ZNF292: variants seen among roughly 807,000 people sequenced by gnomAD.
The protein encoded by ZNF292 is zinc finger protein 292.
In ZNF292, 26 loss-of-function variants were observed where a neutral mutation model predicts 217.9. That is an observed-to-expected ratio of 0.12 (90% confidence interval 0.09 to 0.17). ZNF292 has a LOEUF of 0.17. Ranked by LOEUF, ZNF292 falls within the 10% of genes least tolerant of loss-of-function variation. ZNF292 has a pLI of 1.00. For synonymous variants in ZNF292, 1,257 were observed against 1,124.1 expected, an observed-to-expected ratio of 1.12 and a Z score of -2.37; for missense variants, 2,904 against 3,175.2, an observed-to-expected ratio of 0.91 and a Z score of 2.05.
At chr6:87,219,699 A>T (rs1220113977) in intron 4 of ZNF292, among the ~76,000 whole-genome samples, 1 of 152,168 alleles carries the variant, frequency 6.6e-6, no homozygotes, top group Non-Finnish European at 1.5e-5. Flanking sequence ...CTAGCAGTGT[A>T]CTTGTTTCTT....
At position 87,257,155 on chromosome 6, in the gene ZNF292, G is replaced by A. The variant is rs1775271309; in HGVS notation, c.3526G>A (p.Gly1176Arg). The part of the protein sequence containing the change: ...PFFTSQTKAN[G>R]NPACSAQLQH... ...TTTTACATCACAGACCAAAGCCAAT[G>A]GGAATCCTGCTTGTTCGGCCCAGTT... Residue 1176 changes from glycine (G) to arginine (R), a missense_variant, in exon 8 of 8, where the codon GGG becomes AGG. By Grantham distance (125) the Gly-to-Arg change is moderately radical (BLOSUM62 -2). Coordinates refer to ENST00000369577, the MANE Select transcript of ZNF292 (RefSeq NM_015021.3). 1 of 1,613,724 alleles carries A rather than the reference G, an allele frequency of 6.2e-7. No homozygotes were observed. Among genetic ancestry groups the A allele is most frequent in the African/African-American group, 1.3e-5 (1 of 74,900 alleles).
intron 1 of ZNF292, among the ~76,000 whole-genome samples, chr6:87,189,706 A>G (rs1296005764): frequency 1.3e-5 from 2 of 151,970 alleles, no homozygotes; most frequent in Non-Finnish European, 2.9e-5. Context: ...TATTCTCAAC[A>G]TGACTTAGCA....
In ZNF292 at chr6:87,259,725, C is replaced by G; in HGVS notation, c.6096C>G (p.Thr2032=). The G allele has an allele frequency of 1.2e-6, 2 of 1,603,422 alleles. No homozygotes were observed. Among genetic ancestry groups the G allele is most frequent in the Non-Finnish European group, 1.7e-6 (2 of 1,174,780 alleles). The change falls in exon 8 of 8, where the codon ACC becomes ACG. Residue 2032 remains threonine (T), a synonymous_variant. Transcript: ENST00000369577. The part of the protein sequence containing the change: ...ALELRAETQN[T]HSNVAVIPEK... The stretch of plus-strand genomic sequence containing the variant: ...AATTGAGAGCAGAGACCCAAAATAC[C>G]CACAGTAATGTAGCAGTGATCCCAG...
rs1775123749 is a variant in ZNF292 at position 87,254,844 on chromosome 6, T to C, written c.1215T>C (p.Ala405=). Residue 405 remains alanine, a synonymous_variant, in exon 8 of 8, where the codon GCT becomes GCC. Transcript: ENST00000369577. ...AGCCTACAGTAGATGCGTATTATGC[T>C]GTGGAAATGTTGTATAATCAGCCAG... ...LIEPTVDAYY[A]VEMLYNQPDQ... 1 of 1,613,842 alleles carries C rather than the reference T, an allele frequency of 6.2e-7. No individual in the cohort carries two copies. The highest frequency in any genetic ancestry group is 2.2e-5 in the East Asian group (1 of 44,866).
intron 1 of ZNF292, among the ~76,000 whole-genome samples, chr6:87,200,189 A>C (rs945695648): frequency 6.6e-6 from 1 of 152,248 alleles, no homozygotes; most frequent in Non-Finnish European, 1.5e-5. Context: ...ATGTTGGGCT[A>C]AAGTCTTCAC....
intron 1 of ZNF292, chr6:87,213,757 G>A (rs977578442): frequency 6.6e-6 from 1 of 152,294 alleles, no homozygotes; most frequent in Non-Finnish European, 1.5e-5. Flanking sequence ...AAGAGAACCA[G>A]GAAGCTAAAC....
chr6:87,239,735 G>A lies in ZNF292; in HGVS notation c.742-3740G>A, dbSNP rs1200732652. On this transcript the variant is annotated intron_variant, in intron 5 of 7. Transcript: ENST00000369577. ...GACGGGGTCGCGGCTGGGCAGAGGC[G>A]CTCCTCACATCCCAGATGGGGCGGT... Among the ~76,000 whole-genome samples, 34 of 134,710 alleles carry A rather than the reference G, an allele frequency of 2.5e-4. 4 individuals are homozygous for A. In the East Asian group the frequency reaches 6.1e-3, roughly 24 times the overall value. The allele number at this position is 134,710 out of a possible 152,430, so 88.4% of individuals were successfully genotyped here.
Position 87,257,588 on chromosome 6 carries a change from T to C in ZNF292, c.3959T>C (p.Phe1320Ser), listed in dbSNP as rs1775299642. 6.2e-7 allele frequency: 1 copy of C among 1,606,336 alleles called. No individual in the cohort carries two copies. Among genetic ancestry groups the C allele is most frequent in the Non-Finnish European group, 8.5e-7 (1 of 1,175,940 alleles). Residue 1320 changes from phenylalanine (F) to serine (S), a missense_variant, in exon 8 of 8, where the codon TTT becomes TCT. Transcript: ENST00000369577. ...LKGGNGENAV[F>S]PSQVNVANNF... ...GGGGGTAATGGTGAAAATGCAGTTT[T>C]TCCTTCACAAGTGAATGTTGCAAAT...
chr6:87,199,011 G>C (rs771080844), intron 1 of ZNF292, among the ~76,000 whole-genome samples: 1 of 152,132 alleles, frequency 6.6e-6, no homozygotes, highest in Non-Finnish European at 1.5e-5. Flanking sequence ...GCTTATATTC[G>C]TTTTGGGTGG....
intron 1 of ZNF292, among the ~76,000 whole-genome samples, chr6:87,195,781 C>T (rs1771938019): frequency 6.6e-6 from 1 of 151,684 alleles, no homozygotes; most frequent in South Asian, 2.1e-4. Context: ...TAATTTTAGC[C>T]CTTTGGGAGG....
chr6:87,222,620 C>T, intron 4 of ZNF292: 1 of 245,668 alleles, frequency 4.1e-6, no homozygotes, highest in South Asian at 4.7e-5. Flanking sequence ...TTCCATATAC[C>T]CTGAACCCGT....
intron 5 of ZNF292, 136 bp downstream of exon 5, chr6:87,233,663 G>C: frequency 7.0e-7 from 1 of 1,423,620 alleles, no homozygotes. Context: ...ATGTTCTTGA[G>C]TGGTGGCAAC....
chr6:87,220,158 AT>A (rs903259239), intron 4 of ZNF292, among the ~76,000 whole-genome samples: 543 of 147,772 alleles, frequency 3.7e-3, no homozygotes, highest in Non-Finnish European at 6.0e-3. Context: ...AGAATCTTAG[AT>A]TTTTTTTTTT....
chr6:87,181,209 G>A (rs1405231244), intron 1 of ZNF292, among the ~76,000 whole-genome samples: 1 of 152,108 alleles, frequency 6.6e-6, no homozygotes, highest in East Asian at 1.9e-4. Flanking sequence ...TAGCGTCCCG[G>A]ATCACACGCA....
At chr6:87,229,330 T>C (rs779576756) in intron 4 of ZNF292, among the ~76,000 whole-genome samples, 17 of 152,244 alleles carry the variant, frequency 1.1e-4, no homozygotes, top group Non-Finnish European at 1.9e-4. Context: ...TAGGGCTTTC[T>C]ACATACAAGA....
chr6:87,185,870 T>TA (rs1354667979), intron 1 of ZNF292, among the ~76,000 whole-genome samples: 3 of 152,118 alleles, frequency 2.0e-5, no homozygotes, highest in African/African-American at 4.8e-5. Flanking sequence ...TAGGACAAGA[T>TA]ATGGGGGAAA....
chr6:87,185,146 A>G (rs1437860175), intron 1 of ZNF292, among the ~76,000 whole-genome samples: 3 of 152,198 alleles, frequency 2.0e-5, no homozygotes, highest in Non-Finnish European at 4.4e-5. Flanking sequence ...ACCCATATGC[A>G]TTTCCTTAAA....
rs2127856774 is a variant in ZNF292, at chr6:87,254,988, A to G, written c.1359A>G (p.Lys453=). ...AATTCTGGGATTGGAAAACCTTGAAACGACAATGTCTTGCATTAATGGGAG... is the reference window on the plus strand; with the variant it reads ...AATTCTGGGATTGGAAAACCTTGAAGCGACAATGTCTTGCATTAATGGGAG... ...DPEFWDWKTL[K]RQCLALMGEE... is the part of the protein sequence containing the mutation. The change falls in exon 8 of 8, where the codon AAA becomes AAG. Residue 453 remains lysine, a synonymous_variant. Transcript: ENST00000369577. 1 of 1,613,894 alleles carries G rather than the reference A, an allele frequency of 6.2e-7. No homozygotes were observed. Among genetic ancestry groups the G allele is most frequent in the African/African-American group, 1.3e-5 (1 of 75,048 alleles).
chr6:87,170,189 TA>T (rs1771055694), intron 1 of ZNF292: 1 of 152,220 alleles, frequency 6.6e-6, no homozygotes, highest in Non-Finnish European at 1.5e-5. Flanking sequence ...GACTAAAACA[TA>T]AAAGCCTGAT....
Sources: allele counts gnomAD v4.1 joint callset (sites outside exome capture counted in the v4.1 genomes callset), GRCh38; gene constraint gnomAD v4.1.1; transcripts MANE v1.5; gene names NCBI Gene and HGNC (gene_info 2026-07-23, HGNC 2026-07-21).